The following MAPRE2 variants were observed in gnomAD, a reference collection of about 807,000 sequenced individuals.
MAPRE2 encodes microtubule associated protein RP/EB family member 2.
A neutral mutation model predicts 43.2 loss-of-function variants in MAPRE2; 13 were observed. The observed-to-expected ratio is 0.30, with a 90% confidence interval of 0.20 to 0.48. The LOEUF is 0.48. Ranked by LOEUF, MAPRE2 falls within the 20% of genes least tolerant of loss-of-function variation. The probability of loss-of-function intolerance (pLI) is 0.99; values close to 1 mark genes in which losing one functional copy is unlikely to be tolerated. For missense variants in MAPRE2, 161 were observed against 400.2 expected (o/e 0.40, Z 5.10); for synonymous variants, 135 against 148.8 (o/e 0.91, Z 0.68).
At chr18:35,061,644 C>T (rs893901247) in intron 1 of MAPRE2, among the ~76,000 whole-genome samples, 1 of 152,182 alleles carries the variant, frequency 6.6e-6, no homozygotes, top group African/African-American at 2.4e-5. Flanking sequence ...ATTCCCATTC[C>T]AGCCCTAGAA....
At chr18:35,053,888 C>T (rs1313979767) in intron 1 of MAPRE2, among the ~76,000 whole-genome samples, 1 of 152,096 alleles carries the variant, frequency 6.6e-6, no homozygotes, top group Non-Finnish European at 1.5e-5. Flanking sequence ...ACCCCCATGA[C>T]ATGAGTTTAC....
At chr18:35,044,083 T>A (rs1603393355) in intron 1 of MAPRE2, among the ~76,000 whole-genome samples, 1 of 152,196 alleles carries the variant, frequency 6.6e-6, no homozygotes, top group African/African-American at 2.4e-5. Flanking sequence ...ACAATGAAGA[T>A]GTGCCTGGAA....
intron 1 of MAPRE2, among the ~76,000 whole-genome samples, chr18:34,984,816 A>T (rs1464089283): frequency 8.3e-6 from 1 of 120,788 alleles, no homozygotes; most frequent in African/African-American, 3.1e-5. Flanking sequence ...ATATAATACT[A>T]AAAATATAAA....
chr18:35,067,716 T>C (rs1603397091), intron 1 of MAPRE2, among the ~76,000 whole-genome samples: 1 of 152,310 alleles, frequency 6.6e-6, no homozygotes. Flanking sequence ...AAGAAACCGC[T>C]AGAAAAGCCC....
At chr18:35,104,866 A>G (rs995043379) in intron 4 of MAPRE2, among the ~76,000 whole-genome samples, 7 of 152,108 alleles carry the variant, frequency 4.6e-5, no homozygotes, top group Non-Finnish European at 1.5e-5. Context: ...GGTGTCTGAT[A>G]TTTCTCATCT....
Position 35,142,805 on chromosome 18 carries a change from A to T in MAPRE2, c.*2436A>T, listed in dbSNP as rs961963490. 6.6e-6 allele frequency: 1 copy of T among 152,048 alleles called. No individual in the cohort carries two copies. Among genetic ancestry groups the T allele is most frequent in the African/African-American group, 2.4e-5 (1 of 41,376 alleles). 9.4% of individuals were successfully genotyped at this position (152,048 alleles called of 1,614,324 possible). A position where few individuals can be genotyped will look rare whatever the true frequency, so the allele number is the denominator to read the frequency against. Reference sequence around the variant, plus strand: ...GCAGATCCCCCCTCATTTCCCATGGATGGTGGGACCCCATTATTCTCTCAT... The same window carrying T: ...GCAGATCCCCCCTCATTTCCCATGGTTGGTGGGACCCCATTATTCTCTCAT... On this transcript the variant is annotated 3_prime_UTR_variant, in exon 7 of 7. Coordinates refer to ENST00000300249, the MANE Select transcript of MAPRE2 (RefSeq NM_014268.4).
chr18:35,024,875 G>C (rs971343699), intron 2 of MAPRE2, among the ~76,000 whole-genome samples: 1 of 152,082 alleles, frequency 6.6e-6, no homozygotes, highest in Non-Finnish European at 1.5e-5. Flanking sequence ...GTTGTGAGTA[G>C]CTATTAATAC....
intron 1 of MAPRE2, among the ~76,000 whole-genome samples, chr18:34,978,950 A>G (rs570323835): frequency 6.6e-6 from 1 of 152,316 alleles, no homozygotes; most frequent in Admixed American, 6.5e-5. Flanking sequence ...AAAAGCAAAA[A>G]CAACTCCTGG....
intron 1 of MAPRE2, among the ~76,000 whole-genome samples, chr18:34,991,518 G>A (rs916565950): frequency 3.9e-5 from 6 of 152,142 alleles, no homozygotes; most frequent in African/African-American, 1.4e-4. Flanking sequence ...AAGACTAAAG[G>A]GAGTATAATC....
chr18:35,122,461 C>T (rs763362182), intron 4 of MAPRE2, among the ~76,000 whole-genome samples: 43 of 152,232 alleles, frequency 2.8e-4, no homozygotes, highest in Non-Finnish European at 1.2e-4. Flanking sequence ...CACATATCCT[C>T]ATGCATCATT....
intron 1 of MAPRE2, among the ~76,000 whole-genome samples, chr18:35,053,002 T>TCCC (rs34648453): frequency 1.0e-5 from 1 of 99,164 alleles, no homozygotes; most frequent in Non-Finnish European, 2.4e-5. Context: ...GAATATAAAG[T>TCCC]CCCCCCCACA....
intron 1 of MAPRE2, among the ~76,000 whole-genome samples, chr18:35,064,114 G>A (rs1225746446): frequency 6.7e-6 from 1 of 149,538 alleles, no homozygotes; most frequent in Non-Finnish European, 1.5e-5. Context: ...GGCCCAGGAG[G>A]CAGAGGTTGT....
chr18:35,042,126 G>A (rs1316433844), intron 1 of MAPRE2, among the ~76,000 whole-genome samples: 1 of 152,234 alleles, frequency 6.6e-6, no homozygotes, highest in Non-Finnish European at 1.5e-5. Context: ...GCTGCAGTCT[G>A]TGATGTTAAA....
chr18:35,005,541 C>A, exon 2 of MAPRE2: 1 of 1,543,062 alleles, frequency 6.5e-7, no homozygotes, highest in Non-Finnish European at 8.8e-7. Flanking sequence ...GGGAGAAAGC[C>A]TGGATGCTCA....
intron 2 of MAPRE2, among the ~76,000 whole-genome samples, chr18:35,034,570 A>G (rs908779804): frequency 3.3e-5 from 5 of 152,062 alleles, no homozygotes; most frequent in Admixed American, 6.5e-5. Flanking sequence ...CAGAGTGAAC[A>G]GGCAACCTAC....
intron 1 of MAPRE2, among the ~76,000 whole-genome samples, chr18:35,067,037 A>G (rs1906868486): frequency 6.6e-6 from 1 of 152,310 alleles, no homozygotes; most frequent in Non-Finnish European, 1.5e-5. Flanking sequence ...TCTTGCCTTC[A>G]TTGGTTCACT....
At chr18:35,054,946 C>T (rs1180831329) in intron 1 of MAPRE2, among the ~76,000 whole-genome samples, 1 of 151,668 alleles carries the variant, frequency 6.6e-6, no homozygotes, top group Admixed American at 6.6e-5. Context: ...TGACCGAAGT[C>T]GAAGTTCTTG....
intron 6 of MAPRE2, 119 bp from the exon 7 acceptor site, chr18:35,140,176 C>A: frequency 4.7e-6 from 4 of 848,046 alleles, no homozygotes; most frequent in Non-Finnish European, 5.6e-6. Flanking sequence ...TTGTGCCTAA[C>A]TAAGCCTGGT....
intron 5 of MAPRE2, among the ~76,000 whole-genome samples, chr18:35,127,854 TCA>T (rs1909976308): frequency 1.3e-5 from 2 of 152,214 alleles, no homozygotes; most frequent in South Asian, 4.1e-4. Flanking sequence ...TTTGAAATTT[TCA>T]TTATAAAATC....
Sources: gnomAD v4.1 joint callset for allele counts (sites outside exome capture counted in the v4.1 genomes callset) on GRCh38, gnomAD v4.1.1 for gene constraint, MANE v1.5 for transcripts, NCBI Gene and HGNC (gene_info 2026-07-23, HGNC 2026-07-21) for gene names.